Variants in LY75 observed in about 807,000 individuals in gnomAD.
LY75 encodes C-type lectin domain family 13 member B.
In LY75, 185 loss-of-function variants were observed where a neutral mutation model predicts 231.7. That is an observed-to-expected ratio of 0.80 (90% CI 0.71 to 0.90). LY75 has a LOEUF of 0.90. Among genes scored for constraint, LY75 ranks in the 40% least tolerant of loss-of-function variants. The pLI is 0.00. For missense variants in LY75, 1,947 were observed against 2,050.2 expected (o/e 0.95, Z 0.97); for synonymous variants, 668 against 689.0 (o/e 0.97, Z 0.48).
At chr2:159,832,016 C>T (rs1410133656) in intron 27 of LY75, among the ~76,000 whole-genome samples, 1 of 152,124 alleles carries the variant, frequency 6.6e-6, no homozygotes, top group Non-Finnish European at 1.5e-5. Context: ...TAATAGAAAA[C>T]TAGTAGCTGA....
intron 24 of LY75, 25 bp from the exon 25 acceptor site, chr2:159,840,980 A>G (rs749975860): frequency 6.2e-7 from 1 of 1,609,710 alleles, no homozygotes; most frequent in South Asian, 1.1e-5. Flanking sequence ...AAACAACAAC[A>G]ACAACAAACC....
chr2:159,807,983 A>T (rs1682837657), intron 33 of LY75: 1 of 920,892 alleles, frequency 1.1e-6, no homozygotes, highest in African/African-American at 1.8e-5. Context: ...TTTAAAGATT[A>T]CTATTAAGAC....
chr2:159,813,067 T>C (rs1038074080), intron 31 of LY75, among the ~76,000 whole-genome samples: 3 of 152,248 alleles, frequency 2.0e-5, no homozygotes, highest in African/African-American at 7.2e-5. Context: ...CGTCCATCCA[T>C]GGACACTTGG....
At chr2:159,836,273 G>T (rs1049920001) in intron 25 of LY75, among the ~76,000 whole-genome samples, 16 of 152,182 alleles carry the variant, frequency 1.1e-4, no homozygotes, top group African/African-American at 3.6e-4. Context: ...CAACCCAGGG[G>T]CTAGCTGGCA....
At chr2:159,901,062 C>T (rs766980268) in intron 1 of LY75, among the ~76,000 whole-genome samples, 12 of 152,160 alleles carry the variant, frequency 7.9e-5, no homozygotes, top group South Asian at 2.1e-4. Context: ...TGGTCTCGAA[C>T]TCCTGACCTC....
At chr2:159,882,020 C>A in intron 7 of LY75, 104 bp downstream of exon 7, 2 of 1,355,650 alleles carry the variant, frequency 1.5e-6, no homozygotes, top group South Asian at 1.4e-5. Flanking sequence ...CAGGGCTGAT[C>A]TGTGGGATCA....
At chr2:159,829,409 T>A (rs1285126163) in intron 28 of LY75, among the ~76,000 whole-genome samples, 1 of 152,236 alleles carries the variant, frequency 6.6e-6, no homozygotes, top group Non-Finnish European at 1.5e-5. Context: ...TGGCTTAATG[T>A]ATCTCTCAGT....
At chr2:159,880,285 C>G (rs1274966217) in intron 8 of LY75, among the ~76,000 whole-genome samples, 1 of 152,100 alleles carries the variant, frequency 6.6e-6, no homozygotes, top group African/African-American at 2.4e-5. Flanking sequence ...AAAAGATGTT[C>G]AAAAAATGTT....
intron 3 of LY75, among the ~76,000 whole-genome samples, chr2:159,893,275 T>G (rs564386630): frequency 6.6e-6 from 1 of 152,334 alleles, no homozygotes; most frequent in South Asian, 2.1e-4. Context: ...CAATTATTTC[T>G]CTATTGCTCT....
Position 159,890,367 on chromosome 2 carries a change from A to C in LY75, c.648T>G (p.Cys216Trp). ...WGICLKPENGCEDNWEKNEQF... is the reference protein window; with the variant it reads ...WGICLKPENGWEDNWEKNEQF... ...GCTCGTTCTTTTCCCAATTATCTTC[A>C]CAACCGTTTTCTGTTGATAAAGACA... The change falls in exon 4 of 35, where the codon TGT becomes TGG. Residue 216 changes from cysteine (C) to tryptophan (W), a missense_variant. Physicochemically the swap from Cys to Trp is radical, Grantham distance 215. Transcript: ENST00000263636. The C allele has an allele frequency of 6.2e-7, 1 of 1,613,042 alleles. No homozygotes were observed. The highest frequency in any genetic ancestry group is 8.5e-7 in the Non-Finnish European group (1 of 1,179,528).
At chr2:159,832,212 AGGCCTGTTAGGAACCG>A (rs938725299) in intron 27 of LY75, among the ~76,000 whole-genome samples, 20 of 152,130 alleles carry the variant, frequency 1.3e-4, no homozygotes, top group East Asian at 9.6e-4. Context: ...GTTAGGAACC[AGGCCTGTTAGGAACCG>A]GGCCTGTTAG....
intron 13 of LY75, among the ~76,000 whole-genome samples, chr2:159,869,840 T>C (rs1229884227): frequency 6.6e-6 from 1 of 152,214 alleles, no homozygotes; most frequent in African/African-American, 2.4e-5. Context: ...AATGTCTGTA[T>C]GTGTGGAAAA....
intron 32 of LY75, among the ~76,000 whole-genome samples, chr2:159,809,882 T>G (rs1682905741): frequency 1.3e-5 from 2 of 152,044 alleles, no homozygotes; most frequent in African/African-American, 4.8e-5. Context: ...CTCGCCATGT[T>G]GGTCACGCTA....
At chr2:159,844,932 C>T (rs1684158266) in intron 23 of LY75, among the ~76,000 whole-genome samples, 1 of 152,010 alleles carries the variant, frequency 6.6e-6, no homozygotes, top group South Asian at 2.1e-4. Context: ...CTCCCTCCCT[C>T]TCCCCTGTGC....
At position 159,819,846 on chromosome 2, in the gene LY75, T is replaced by C. The variant is rs745358510; in HGVS notation, c.4033A>G (p.Asn1345Asp). Residue 1345 changes from asparagine to aspartate, a missense_variant, in exon 29 of 35, where the codon AAT (asparagine) becomes GAT (aspartate). Transcript: ENST00000263636. ...CTTAAACCAGCCAAAAACTTCTCAT[T>C]TTTTATAGTTGGTCTTCCTGCTCTC... ...HWRAGRPTIK[N>D]EKFLAGLSTD... is the part of the protein sequence containing the mutation. 7 of 1,614,106 alleles carry C rather than the reference T, an allele frequency of 4.3e-6. No homozygotes were observed. The highest frequency in any genetic ancestry group is 5.9e-6 in the Non-Finnish European group (7 of 1,179,990).
Position 159,841,006 on chromosome 2 carries a change from C to A in LY75, c.3281-51G>T, listed in dbSNP as rs542570976. The A allele has an allele frequency of 3.8e-6, 6 of 1,593,440 alleles. No individual in the cohort carries two copies. In the South Asian group the frequency reaches 6.7e-5, roughly 18 times the overall value. On this transcript the variant is annotated intron_variant, in intron 24 of 34. Transcript: ENST00000263636. ...ACAACAAACCCTTCCCCACACTCTGCAAGTTATGGGACATTTTTTTCACAT... is the reference window on the plus strand; with the variant it reads ...ACAACAAACCCTTCCCCACACTCTGAAAGTTATGGGACATTTTTTTCACAT...
rs755720840 is a variant in LY75, at chr2:159,893,917, G to T, written c.634C>A (p.Pro212Thr). The T allele has an allele frequency of 6.2e-7, 1 of 1,609,696 alleles. No homozygotes were observed. Among genetic ancestry groups the T allele is most frequent in the Admixed American group, 1.7e-5 (1 of 59,452 alleles). Reference protein sequence around the residue: ...YDRKWGICLKPENGCEDNWEK... With the variant: ...YDRKWGICLKTENGCEDNWEK... ...AAATTTACCAGCCCATACATACCAG[G>T]CTTTAAGCAGATGCCCCACTTTCGG... Residue 212 changes from proline to threonine, a missense_variant, in exon 3 of 35, where the codon CCT becomes ACT. Pro to Thr is a conservative substitution (Grantham distance 38). Coordinates refer to ENST00000263636, the MANE Select transcript of LY75 (RefSeq NM_002349.4).
At position 159,864,875 on chromosome 2, in the gene LY75, A is replaced by T. The variant is rs745770855; in HGVS notation, c.2163T>A (p.Asp721Glu). Residue 721 changes from aspartate to glutamate, a missense_variant, in exon 14 of 35, where the codon GAT becomes GAA. Coordinates refer to ENST00000263636, the MANE Select transcript of LY75 (RefSeq NM_002349.4). Reference sequence around the variant, plus strand: ...CACTCCATTGCCAGGATCCTTGTAAATCTGGGCTCCTTTTATTCAAACCAA... The same window carrying T: ...CACTCCATTGCCAGGATCCTTGTAATTCTGGGCTCCTTTTATTCAAACCAA... ...LWIGLNKRSPDLQGSWQWSDR... is the reference protein window; with the variant it reads ...LWIGLNKRSPELQGSWQWSDR... The T allele has an allele frequency of 3.7e-6, 6 of 1,605,316 alleles. No individual in the cohort carries two copies. The Admixed American group carries it at 1.0e-4, about 27-fold the overall frequency.
At chr2:159,826,318 A>G (rs1683466341) in intron 28 of LY75, among the ~76,000 whole-genome samples, 1 of 152,218 alleles carries the variant, frequency 6.6e-6, no homozygotes, top group African/African-American at 2.4e-5. Flanking sequence ...AATAACAGAC[A>G]AATAGAGAGC....
Sources: allele counts gnomAD v4.1 joint callset (sites outside exome capture counted in the v4.1 genomes callset), GRCh38; gene constraint gnomAD v4.1.1; transcripts MANE v1.5; gene names NCBI Gene and HGNC (gene_info 2026-07-23, HGNC 2026-07-21).